The following PDE4D variants were observed in gnomAD, a reference collection of about 807,000 sequenced individuals.
PDE4D encodes the protein 3',5'-cyclic-AMP phosphodiesterase 4D.
A neutral mutation model predicts 87.4 loss-of-function variants in PDE4D; 24 were observed. The observed-to-expected ratio is 0.27, with a 90% CI of 0.20 to 0.39. The LOEUF (loss-of-function observed/expected upper bound fraction) is 0.39. Among genes scored for constraint, PDE4D ranks in the 10% least tolerant of loss-of-function variants. The probability of loss-of-function intolerance (pLI) is 1.00; values close to 1 mark genes in which losing one functional copy is unlikely to be tolerated. For synonymous variants in PDE4D, 384 were observed against 383.2 expected, an observed-to-expected ratio of 1.00 and a Z score of -0.02; for missense variants, 714 against 1,041.0, an observed-to-expected ratio of 0.69 and a Z score of 4.32.
intron 1 of PDE4D, among the ~76,000 whole-genome samples, chr5:60,498,071 C>CTTG (rs1749901633): frequency 6.6e-6 from 1 of 152,088 alleles, no homozygotes. Context: ...AAACTTAAAT[C>CTTG]TTGTTCTTCT....
chr5:60,494,969 G>T (rs937406170), intron 1 of PDE4D, among the ~76,000 whole-genome samples: 1 of 152,056 alleles, frequency 6.6e-6, no homozygotes, highest in African/African-American at 2.4e-5. Flanking sequence ...TCCATGCAGG[G>T]TCACCATCAT....
chr5:59,222,375 G>A (rs1465934384), intron 1 of PDE4D, among the ~76,000 whole-genome samples: 2 of 152,102 alleles, frequency 1.3e-5, no homozygotes, highest in Non-Finnish European at 1.5e-5. Flanking sequence ...CTGAGCCAGA[G>A]TCCTGCTACT....
intron 1 of PDE4D, among the ~76,000 whole-genome samples, chr5:59,320,875 C>T (rs1269987100): frequency 6.6e-6 from 1 of 152,056 alleles, no homozygotes; most frequent in Non-Finnish European, 1.5e-5. Flanking sequence ...CAATCAGCAA[C>T]AATTATTTGT....
intron 1 of PDE4D, among the ~76,000 whole-genome samples, chr5:59,765,134 G>A (rs1389937270): frequency 1.3e-5 from 2 of 152,192 alleles, no homozygotes; most frequent in Non-Finnish European, 2.9e-5. Flanking sequence ...TTGCCTTAGG[G>A]CTTCATAATG....
chr5:59,823,206 G>A (rs1031117140), intron 1 of PDE4D, among the ~76,000 whole-genome samples: 13 of 152,022 alleles, frequency 8.6e-5, no homozygotes, highest in African/African-American at 2.9e-4. Context: ...CTCACCTAAG[G>A]CTAATAAAAT....
chr5:59,438,126 G>T (rs956545748), intron 1 of PDE4D, among the ~76,000 whole-genome samples: 4 of 152,076 alleles, frequency 2.6e-5, no homozygotes, highest in African/African-American at 9.7e-5. Flanking sequence ...ATTGTTGGCT[G>T]AACTATAAAA....
chr5:60,398,860 A>T (rs542274601), intron 1 of PDE4D, among the ~76,000 whole-genome samples: 1 of 152,260 alleles, frequency 6.6e-6, no homozygotes, highest in Non-Finnish European at 1.5e-5. Context: ...AATGTGCCCC[A>T]AGTCACACAG....
At chr5:59,679,999 TC>T (rs1193656721) in intron 1 of PDE4D, among the ~76,000 whole-genome samples, 1 of 152,106 alleles carries the variant, frequency 6.6e-6, no homozygotes. Context: ...TAAACTTAAC[TC>T]CAAGTACGAA....
intron 1 of PDE4D, among the ~76,000 whole-genome samples, chr5:59,624,553 G>A (rs2150123387): frequency 6.6e-6 from 1 of 152,300 alleles, no homozygotes; most frequent in South Asian, 2.1e-4. Context: ...GTAGTACTCG[G>A]CTTTAATCTG....
At chr5:59,447,013 G>A (rs571301019) in intron 1 of PDE4D, among the ~76,000 whole-genome samples, 1 of 152,288 alleles carries the variant, frequency 6.6e-6, no homozygotes, top group Non-Finnish European at 1.5e-5. Context: ...GTGCATTAGA[G>A]ATTTGATTTT....
At position 60,361,205 on chromosome 5, in the gene PDE4D, A is replaced by C. The variant is rs1760029687; in HGVS notation, c.-90+126737T>G. On this transcript the variant is annotated intron_variant, in intron 1 of 16. Transcript: ENST00000502484. ...CACATAGTAGATGATCAAGCACATG[A>C]GACCCACCTTCCCTATGTCTGATCT... 2.0e-5 allele frequency among the ~76,000 whole-genome samples: 3 copies of C among 152,326 alleles called. No homozygotes were observed. The South Asian group carries it at 6.2e-4, about 32-fold the overall frequency.
In PDE4D at chr5:59,789,876, G is replaced by C. The variant is rs140106151; in HGVS notation, c.455+103292C>G. Reference sequence around the variant, plus strand: ...TGTTGCTCTGATTTTAGAGTACACAGAGCTATAGCACTGAAGATAATTTTG... The same window carrying C: ...TGTTGCTCTGATTTTAGAGTACACACAGCTATAGCACTGAAGATAATTTTG... On this transcript the variant is annotated intron_variant, in intron 1 of 14. Coordinates refer to ENST00000340635, the MANE Select transcript of PDE4D (RefSeq NM_001104631.2). Among the ~76,000 whole-genome samples, 7 of 152,314 alleles carry C rather than the reference G, an allele frequency of 4.6e-5. No individual in the cohort carries two copies. The East Asian group carries it at 1.4e-3, about 29-fold the overall frequency.
chr5:59,831,951 G>C, intron 1 of PDE4D, among the ~76,000 whole-genome samples: 1 of 152,094 alleles, frequency 6.6e-6, no homozygotes, highest in Admixed American at 6.6e-5. Context: ...CCAGAGATGA[G>C]TGAGAAACAG....
intron 3 of PDE4D, among the ~76,000 whole-genome samples, chr5:59,913,883 T>C (rs1182130650): frequency 1.3e-5 from 2 of 152,154 alleles, no homozygotes; most frequent in Admixed American, 1.3e-4. Flanking sequence ...CATGAAATTG[T>C]AGTTTTTAAT....
At chr5:60,363,720 A>G (rs546739236) in intron 1 of PDE4D, among the ~76,000 whole-genome samples, 1 of 152,332 alleles carries the variant, frequency 6.6e-6, no homozygotes, top group African/African-American at 2.4e-5. Context: ...TGAGACCCAA[A>G]TGAAAAGAAG....
At chr5:59,708,697 A>G (rs1449398447) in intron 1 of PDE4D, among the ~76,000 whole-genome samples, 1 of 152,172 alleles carries the variant, frequency 6.6e-6, no homozygotes, top group Non-Finnish European at 1.5e-5. Context: ...GTAGACTATG[A>G]TATTCACCAA....
intron 3 of PDE4D, chr5:59,988,425 G>C: frequency 9.3e-7 from 1 of 1,071,936 alleles, no homozygotes; most frequent in Non-Finnish European, 1.3e-6. Context: ...AAACTCAAAA[G>C]ACCACAGACA....
At chr5:59,557,320 T>C (rs1819108772) in intron 1 of PDE4D, among the ~76,000 whole-genome samples, 1 of 152,228 alleles carries the variant, frequency 6.6e-6, no homozygotes, top group African/African-American at 2.4e-5. Context: ...TTGCAATGTA[T>C]ATTATCCTCC....
chr5:59,142,392 T>A (rs1223711602), intron 5 of PDE4D, among the ~76,000 whole-genome samples: 1 of 152,212 alleles, frequency 6.6e-6, no homozygotes, highest in Non-Finnish European at 1.5e-5. Flanking sequence ...TCCAATTAGA[T>A]CACTTAGGTT....
Sources: gnomAD v4.1 joint callset for allele counts (sites outside exome capture counted in the v4.1 genomes callset) on GRCh38, gnomAD v4.1.1 for gene constraint, MANE v1.5 for transcripts, NCBI Gene and HGNC (gene_info 2026-07-23, HGNC 2026-07-21) for gene names.